PCLO: variants seen among roughly 807,000 people sequenced by gnomAD.
PCLO encodes protein piccolo.
Under a neutral mutation model 427.5 loss-of-function variants are expected in PCLO, and 82 were observed. The observed-to-expected ratio is 0.19, with a 90% CI of 0.16 to 0.23. The LOEUF is 0.23. Ranked by LOEUF, PCLO falls within the 10% of genes least tolerant of loss-of-function variation. The probability of loss-of-function intolerance (pLI) is 1.00; values close to 1 mark genes in which losing one functional copy is unlikely to be tolerated. For synonymous variants in PCLO, 2,357 were observed against 2,155.4 expected (o/e 1.09, Z -2.59); for missense variants, 6,239 against 6,115.9 (o/e 1.02, Z -0.67).
At position 82,967,197 on chromosome 7, in the gene PCLO, C is replaced by CTTTT. The variant is rs766172385; in HGVS notation, c.3301-714_3301-711dup. 4.8e-3 allele frequency among the ~76,000 whole-genome samples: 645 copies of CTTTT among 133,118 alleles called. 5 individuals are homozygous for CTTTT. Among genetic ancestry groups the CTTTT allele is most frequent in the African/African-American group, 0.016 (619 of 37,568 alleles). The allele number at this position is 133,118 out of a possible 152,430, so 87.3% of individuals were successfully genotyped here. A position where few individuals can be genotyped will look rare whatever the true frequency, so the allele number is the denominator to read the frequency against. ...ACTAAAACATTTTCTTTCTTCTTTT[C>CTTTT]TTTTTTTTTTTTTTTTTGCCCAGGC... On this transcript the variant is annotated intron_variant, in intron 3 of 24. Transcript: ENST00000333891.
At chr7:83,104,334 C>A (rs887796527) in intron 3 of PCLO, among the ~76,000 whole-genome samples, 1 of 151,956 alleles carries the variant, frequency 6.6e-6, no homozygotes, top group African/African-American at 2.4e-5. Context: ...GCGGAATAAG[C>A]AAAGTGATTT....
In PCLO at chr7:82,916,422, C is replaced by G; in HGVS notation, c.11564G>C (p.Arg3855Pro). The G allele has an allele frequency of 1.2e-6, 2 of 1,613,636 alleles. No individual in the cohort carries two copies. The highest frequency in any genetic ancestry group is 1.7e-6 in the Non-Finnish European group (2 of 1,179,746). ...TRIESQHGIE[R>P]PRTAPQTEFS... ...TTCAGTTTGGGGAGCAGTTCTTGGT[C>G]GCTCAATGCCATGCTGACTTTCTAT... Residue 3855 changes from arginine to proline, a missense_variant, in exon 7 of 25, where the codon CGA (arginine) becomes CCA (proline). By Grantham distance (103) the Arg-to-Pro change is moderately radical. This residue lies in a region of PCLO where 680 missense variants were observed against 677.3 expected (regional missense o/e 1.00). Transcript: ENST00000333891.
intron 20 of PCLO, chr7:82,820,904 A>G: frequency 8.1e-7 from 1 of 1,230,392 alleles, no homozygotes. Context: ...CAGTGCATAG[A>G]AAAATACAAA....
chr7:82,955,183 T>C lies in PCLO; in HGVS notation c.5770A>G (p.Lys1924Glu), dbSNP rs774667224. 6.2e-7 allele frequency: 1 copy of C among 1,613,874 alleles called. No homozygotes were observed. The highest frequency in any genetic ancestry group is 8.5e-7 in the Non-Finnish European group (1 of 1,179,856). The change falls in exon 5 of 25, where the codon AAA becomes GAA. Residue 1924 changes from lysine (K) to glutamate (E), a missense_variant. Transcript: ENST00000333891. The part of the protein sequence containing the change: ...AEEMYEEMMH[K>E]THKYKAFPAA... ...GGAAAAGCTTTGTATTTGTGTGTTT[T>C]ATGCATCATTTCTTCATACATCTCC...
chr7:83,082,408 C>A (rs1053554878), intron 3 of PCLO, among the ~76,000 whole-genome samples: 10 of 151,312 alleles, frequency 6.6e-5, no homozygotes, highest in Non-Finnish European at 1.3e-4. Context: ...AGATTCAAGT[C>A]AACTATAATA....
intron 6 of PCLO, among the ~76,000 whole-genome samples, chr7:82,946,923 G>T (rs1795217286): frequency 1.3e-5 from 2 of 152,180 alleles, no homozygotes; most frequent in Admixed American, 1.3e-4. Context: ...GTAAATAAAA[G>T]ATGATGGTGG....
At chr7:82,980,771 A>G (rs1796129175) in intron 3 of PCLO, among the ~76,000 whole-genome samples, 1 of 152,120 alleles carries the variant, frequency 6.6e-6, no homozygotes, top group Non-Finnish European at 1.5e-5. Context: ...GACATTGCCA[A>G]GAAAAAAAAT....
At chr7:82,992,194 G>C (rs1294209253) in intron 3 of PCLO, among the ~76,000 whole-genome samples, 1 of 151,930 alleles carries the variant, frequency 6.6e-6, no homozygotes, top group Non-Finnish European at 1.5e-5. Flanking sequence ...CACACCATTG[G>C]AACTATGTGT....
chr7:82,822,274 G>A (rs1167716109), intron 20 of PCLO: 2 of 1,390,606 alleles, frequency 1.4e-6, no homozygotes, highest in Non-Finnish European at 1.9e-6. Context: ...GGAAACAAAG[G>A]AGAAACAGCC....
intron 2 of PCLO, among the ~76,000 whole-genome samples, chr7:83,138,828 G>A (rs1233235777): frequency 2.0e-5 from 3 of 151,764 alleles, no homozygotes; most frequent in Admixed American, 1.3e-4. Context: ...GGCCTCTCGG[G>A]GGGTGGGGAA....
chr7:82,841,308 T>C, intron 14 of PCLO, 151 bp downstream of exon 14: 2 of 640,212 alleles, frequency 3.1e-6, no homozygotes, highest in Admixed American at 2.9e-5. Flanking sequence ...TGTATTAATA[T>C]ACTATTCTAT....
chr7:82,800,795 CA>C (rs1791331200), intron 22 of PCLO, among the ~76,000 whole-genome samples: 2 of 151,868 alleles, frequency 1.3e-5, no homozygotes, highest in Non-Finnish European at 2.9e-5. Flanking sequence ...GGGGTTTCGC[CA>C]TGTTGGTCTC....
chr7:83,134,243 A>ATAT lies in PCLO; in HGVS notation c.3300+6_3300+7insATA, dbSNP rs1554402641. On this transcript the variant is annotated splice_region_variant and intron_variant, in intron 3 of 24. Transcript: ENST00000333891. ...AATATATATATATATATATATATAT[A>ATAT]ACTTACCTCAGTCAAATGTGGTGTA... The ATAT allele has an allele frequency of 6.5e-4, 712 of 1,087,176 alleles. No homozygotes were observed. Among genetic ancestry groups the ATAT allele is most frequent in the Non-Finnish European group, 7.9e-4 (608 of 769,756 alleles). 67.3% of individuals were successfully genotyped at this position (1,087,176 alleles called of 1,614,324 possible).
chr7:82,956,231 A>C lies in PCLO; in HGVS notation c.4722T>G (p.Asp1574Glu). ...SADEDASGSE[D>E]DEFIRNQLKE... is the part of the protein sequence containing the mutation. ...TGAGCTGGTTTCTGATGAACTCATC[A>C]TCTTCAGAACCTGAAGCATCTTCAT... The change falls in exon 5 of 25, where the codon GAT (aspartate) becomes GAG (glutamate). Residue 1574 changes from aspartate to glutamate, a missense_variant. By Grantham distance (45) the Asp-to-Glu change is conservative (BLOSUM62 2). Transcript: ENST00000333891. 2 of 1,611,162 alleles carry C rather than the reference A, an allele frequency of 1.2e-6. No homozygotes were observed. The highest frequency in any genetic ancestry group is 2.2e-5 in the South Asian group (2 of 91,086).
intron 3 of PCLO, among the ~76,000 whole-genome samples, chr7:83,107,461 T>C (rs1437478942): frequency 7.0e-6 from 1 of 143,114 alleles, no homozygotes; most frequent in Admixed American, 7.2e-5. Context: ...TGACTTAAGT[T>C]ATAAATTAAT....
At chr7:82,920,512 A>C (rs1794571201) in intron 6 of PCLO, among the ~76,000 whole-genome samples, 1 of 151,834 alleles carries the variant, frequency 6.6e-6, no homozygotes, top group Non-Finnish European at 1.5e-5. Context: ...CCCTAATAAT[A>C]GAATAAAGGT....
rs140999697 is a variant in PCLO at position 83,003,646 on chromosome 7, T to C, written c.3301-37159A>G. On this transcript the variant is annotated intron_variant, in intron 3 of 24. Coordinates refer to ENST00000333891, the MANE Select transcript of PCLO (RefSeq NM_033026.6). ...CTCTATTAATGTGGTGTTTCACACT[T>C]ATTGATTTGCATATGTTGCACCATC... is the stretch of plus-strand genomic sequence containing the variant. Among the ~76,000 whole-genome samples, 564 of 152,028 alleles carry C rather than the reference T, an allele frequency of 3.7e-3. 11 individuals carry two copies. Among genetic ancestry groups the C allele is most frequent in the Non-Finnish European group, 5.0e-3 (339 of 67,882 alleles).
In PCLO at chr7:83,097,029, A is replaced by AGTG. The variant is rs1162662892; in HGVS notation, c.3300+37220_3300+37221insCAC. On this transcript the variant is annotated intron_variant, in intron 3 of 24. Transcript: ENST00000333891. Reference sequence around the variant, plus strand: ...AATAATATATATTATATATTATATAAATATATATTATATATTATATAAATA... The same window carrying AGTG: ...AATAATATATATTATATATTATATAAGTGATATATATTATATATTATATAAATA... Among the ~76,000 whole-genome samples the AGTG allele has an allele frequency of 4.5e-4, 14 of 31,216 alleles. 1 individual carries two copies. Among genetic ancestry groups the AGTG allele is most frequent in the African/African-American group, 2.1e-3 (14 of 6,688 alleles). The allele number at this position is 31,216 out of a possible 152,430, so 20.5% of individuals were successfully genotyped here.
chr7:83,023,904 T>C (rs1484412342), intron 3 of PCLO, among the ~76,000 whole-genome samples: 2 of 152,238 alleles, frequency 1.3e-5, no homozygotes, highest in Non-Finnish European at 2.9e-5. Context: ...TAGCCATTCC[T>C]AGAAACTTTA....
Sources: gnomAD v4.1 joint callset for allele counts (sites outside exome capture counted in the v4.1 genomes callset) on GRCh38, gnomAD v4.1.1 for gene constraint, gnomAD v4.1.1 regional missense constraint, MANE v1.5 for transcripts, NCBI Gene and HGNC (gene_info 2026-07-23, HGNC 2026-07-21) for gene names.